Variants in ANK3 observed in about 807,000 individuals in gnomAD.
ANK3 encodes ankyrin-3.
A neutral mutation model predicts 370.9 loss-of-function variants in ANK3; 57 were observed. The ratio of observed to expected loss-of-function variants is 0.15; its 90% CI spans 0.12 to 0.19. ANK3 has a LOEUF of 0.19. Among genes scored for constraint, ANK3 ranks in the 10% least tolerant of loss-of-function variants. The probability of loss-of-function intolerance (pLI) is 1.00; values close to 1 mark genes in which losing one functional copy is unlikely to be tolerated. For missense variants in ANK3, 4,439 were observed against 5,302.1 expected (o/e 0.84, Z 5.06); for synonymous variants, 1,929 against 1,946.3 (o/e 0.99, Z 0.23).
At chr10:60,157,139 G>A (rs1287052521) in intron 23 of ANK3, among the ~76,000 whole-genome samples, 1 of 150,980 alleles carries the variant, frequency 6.6e-6, no homozygotes. Flanking sequence ...CCAGGTTCAA[G>A]CCATTCTCCT....
chr10:60,306,966 G>A (rs1371361463), intron 1 of ANK3, among the ~76,000 whole-genome samples: 1 of 152,138 alleles, frequency 6.6e-6, no homozygotes, highest in Non-Finnish European at 1.5e-5. Context: ...CTGGCCTCAA[G>A]CGATCTACCC....
intron 23 of ANK3, among the ~76,000 whole-genome samples, chr10:60,163,633 GA>G (rs964540540): frequency 2.6e-5 from 4 of 152,094 alleles, no homozygotes; most frequent in Non-Finnish European, 5.9e-5. Context: ...AAAAGAGAAT[GA>G]AAAAGAAGAG....
chr10:60,721,418 C>A (rs934284002), intron 1 of ANK3, among the ~76,000 whole-genome samples: 2 of 152,146 alleles, frequency 1.3e-5, no homozygotes, highest in African/African-American at 4.8e-5. Context: ...AGATGTTTCA[C>A]AAAAATAAAG....
At chr10:60,260,692 G>A (rs2097791124) in intron 7 of ANK3, among the ~76,000 whole-genome samples, 1 of 152,118 alleles carries the variant, frequency 6.6e-6, no homozygotes, top group African/African-American at 2.4e-5. Context: ...GAGTTCTCAT[G>A]AGACCTGGTC....
At chr10:60,192,396 T>C (rs1439130115) in intron 16 of ANK3, among the ~76,000 whole-genome samples, 2 of 150,574 alleles carry the variant, frequency 1.3e-5, no homozygotes. Context: ...TTGACAAATA[T>C]AAAGCTGGAA....
At chr10:60,461,224 T>C (rs2064875862) in intron 2 of ANK3, among the ~76,000 whole-genome samples, 2 of 152,280 alleles carry the variant, frequency 1.3e-5, no homozygotes, top group African/African-American at 2.4e-5. Flanking sequence ...CTTTCTCCAG[T>C]ATTAGATCTG....
chr10:60,082,278 C>A, intron 34 of ANK3, 102 bp from the exon 35 acceptor site: 1 of 1,050,230 alleles, frequency 9.5e-7, no homozygotes, highest in South Asian at 1.5e-5. Flanking sequence ...AGCACAAATG[C>A]AAGCTGATTT....
chr10:60,353,716 A>G (rs901571756), intron 1 of ANK3, among the ~76,000 whole-genome samples: 3 of 152,240 alleles, frequency 2.0e-5, no homozygotes, highest in Non-Finnish European at 4.4e-5. Context: ...AGGAACATTC[A>G]GTAACCACTA....
intron 2 of ANK3, among the ~76,000 whole-genome samples, chr10:60,441,043 G>A (rs1352638554): frequency 6.6e-6 from 1 of 152,156 alleles, no homozygotes; most frequent in East Asian, 1.9e-4. Flanking sequence ...CCTACGGGCA[G>A]GAGGGTGGGC....
chr10:60,457,887 G>C (rs765292555), intron 2 of ANK3, among the ~76,000 whole-genome samples: 1 of 152,042 alleles, frequency 6.6e-6, no homozygotes, highest in Non-Finnish European at 1.5e-5. Context: ...TAGTGTAGTA[G>C]AGTAGAGAGA....
In ANK3 at chr10:60,055,941, G is replaced by C. The variant is rs748059914; in HGVS notation, c.12782C>G (p.Ala4261Gly). 1.2e-6 allele frequency: 2 copies of C among 1,614,078 alleles called. No individual in the cohort carries two copies. Among genetic ancestry groups the C allele is most frequent in the Non-Finnish European group, 1.7e-6 (2 of 1,180,014 alleles). Residue 4261 changes from alanine to glycine, a missense_variant, in exon 42 of 44, where the codon GCA (alanine) becomes GGA (glycine). This residue lies in a region of ANK3 where 242 missense variants were observed against 228.0 expected (regional missense o/e 1.06). Transcript: ENST00000280772. ...TTCTGGAAAGTAAGATTTTGTCTTT[G>C]CTTCTGGAGTGATTTCTGTATGGCT... is the stretch of plus-strand genomic sequence containing the variant. The part of the protein sequence containing the change: ...NGSHTEITPE[A>G]KTKSYFPESQ...
chr10:60,087,848 A>G (rs1367592495), intron 29 of ANK3, among the ~76,000 whole-genome samples: 1 of 152,170 alleles, frequency 6.6e-6, no homozygotes, highest in Non-Finnish European at 1.5e-5. Flanking sequence ...CATATCATAA[A>G]CCATGGCTTG....
At chr10:60,487,778 G>A (rs1225432454) in intron 2 of ANK3, among the ~76,000 whole-genome samples, 1 of 149,578 alleles carries the variant, frequency 6.7e-6, no homozygotes. Context: ...GCCATAGCGC[G>A]ATCTCGGCTC....
intron 2 of ANK3, among the ~76,000 whole-genome samples, chr10:60,397,765 T>C (rs984533346): frequency 6.6e-6 from 1 of 152,226 alleles, no homozygotes; most frequent in Admixed American, 6.5e-5. Context: ...CATGCCAATA[T>C]AATCACAAGA....
intron 2 of ANK3, among the ~76,000 whole-genome samples, chr10:60,541,528 T>C (rs2076848749): frequency 6.6e-6 from 1 of 151,978 alleles, no homozygotes; most frequent in Non-Finnish European, 1.5e-5. Flanking sequence ...TTTTTACATC[T>C]TGTTCATAGA....
intron 1 of ANK3, among the ~76,000 whole-genome samples, chr10:60,285,520 ATCTTCCCTCGAGCTTT>A (rs6143942): frequency 0.019 from 2,934 of 152,004 alleles, 35 homozygotes; most frequent in South Asian, 0.035. Context: ...TTTCTTGAAA[ATCTTCCCTCGAGCTTT>A]TCTTCTGTCA....
At chr10:60,410,671 AT>A (rs1033497765) in intron 2 of ANK3, among the ~76,000 whole-genome samples, 2 of 151,336 alleles carry the variant, frequency 1.3e-5, no homozygotes, top group South Asian at 2.1e-4. Context: ...CTCTCACCCA[AT>A]TTTTTTTTCT....
At chr10:60,500,946 G>T (rs943599800) in intron 2 of ANK3, among the ~76,000 whole-genome samples, 4 of 152,088 alleles carry the variant, frequency 2.6e-5, no homozygotes, top group Non-Finnish European at 5.9e-5. Context: ...TTTGCAAAGT[G>T]CTATCTACCT....
At chr10:60,326,035 C>T (rs142469499) in intron 1 of ANK3, among the ~76,000 whole-genome samples, 1,953 of 152,220 alleles carry the variant, frequency 0.013, 28 homozygotes, top group South Asian at 0.041. Flanking sequence ...GAACAGAAAA[C>T]CAAATACTGC....
Sources: gnomAD v4.1 joint callset for allele counts (sites outside exome capture counted in the v4.1 genomes callset) on GRCh38, gnomAD v4.1.1 for gene constraint, gnomAD v4.1.1 regional missense constraint, MANE v1.5 for transcripts, NCBI Gene and HGNC (gene_info 2026-07-23, HGNC 2026-07-21) for gene names.